Variants in GLIS1 observed in about 807,000 individuals in gnomAD.
The protein encoded by GLIS1 is GLIS family zinc finger 1, also known as zinc finger protein GLIS1.
In GLIS1, 24 loss-of-function variants were observed where a neutral mutation model predicts 63.8. The observed-to-expected ratio is 0.38, with a 90% CI of 0.27 to 0.53. GLIS1 has a LOEUF of 0.53. Among genes scored for constraint, GLIS1 ranks in the 20% least tolerant of loss-of-function variants. The pLI is 0.85. For missense variants in GLIS1, 1,036 were observed against 1,074.1 expected (o/e 0.96, Z 0.50); for synonymous variants, 450 against 482.5 (o/e 0.93, Z 0.88).
chr1:53,732,744 C>T (rs797912), intron 2 of GLIS1, among the ~76,000 whole-genome samples: 132,162 of 151,662 alleles, frequency 0.87, 57,774 homozygotes, highest in African/African-American at 0.92. Context: ...AACTACCCCC[C>T]ACCAAAAGAA....
intron 2 of GLIS1, among the ~76,000 whole-genome samples, chr1:53,605,603 A>C (rs1412370185): frequency 1.3e-5 from 2 of 152,198 alleles, no homozygotes; most frequent in African/African-American, 4.8e-5. Context: ...TTTCGGTGCA[A>C]TGAAAGTCCT....
rs547379311 is a variant in GLIS1, at chr1:53,628,362, C to T, written c.260-28084G>A. On this transcript the variant is annotated intron_variant, in intron 2 of 10. Transcript: ENST00000628545. ...CCATGGCCACACAGTAGATGCTCAA[C>T]GTCCCAGCACCCTGAACACCAGCAT... is the stretch of plus-strand genomic sequence containing the variant. 3.8e-4 allele frequency among the ~76,000 whole-genome samples: 58 copies of T among 152,286 alleles called. 1 individual carries two copies. Among genetic ancestry groups the T allele is most frequent in the African/African-American group, 1.3e-3 (54 of 41,556 alleles).
intron 4 of GLIS1, among the ~76,000 whole-genome samples, chr1:53,550,996 G>A (rs559268527): frequency 8.5e-5 from 13 of 152,118 alleles, no homozygotes; most frequent in African/African-American, 2.4e-4. Flanking sequence ...GATTACAGGC[G>A]CCCGCCAACA....
At chr1:53,677,380 C>T (rs1315757575) in intron 2 of GLIS1, among the ~76,000 whole-genome samples, 3 of 152,098 alleles carry the variant, frequency 2.0e-5, no homozygotes, top group Admixed American at 6.5e-5. Context: ...GTGGGGATGG[C>T]GCGGGGGCAG....
At chr1:53,632,398 T>C (rs1326811292) in intron 2 of GLIS1, among the ~76,000 whole-genome samples, 3 of 121,304 alleles carry the variant, frequency 2.5e-5, no homozygotes, top group South Asian at 2.8e-4. Context: ...TGAGGGGTGT[T>C]TGAGTGTGAC....
chr1:53,709,413 C>CATATATATACATATACATATAT lies in GLIS1; in HGVS notation c.259+28392_259+28393insATATATGTATATGTATATATAT, dbSNP rs752636057. 4.0e-5 allele frequency among the ~76,000 whole-genome samples: 5 copies of CATATATATACATATACATATAT among 124,770 alleles called. No homozygotes were observed. The East Asian group carries it at 6.9e-4, about 17-fold the overall frequency. The allele number at this position is 124,770 out of a possible 152,430, so 81.9% of individuals were successfully genotyped here. Reference sequence around the variant, plus strand: ...ATATATACATATACATATATATATACACACACACACACACACACACACACA... The same window carrying CATATATATACATATACATATAT: ...ATATATACATATACATATATATATACATATATATACATATACATATATACACACACACACACACACACACACA... On this transcript the variant is annotated intron_variant, in intron 2 of 10. Transcript: ENST00000628545.
chr1:53,734,839 G>A (rs1019873725), intron 2 of GLIS1, among the ~76,000 whole-genome samples: 16 of 152,156 alleles, frequency 1.1e-4, no homozygotes, highest in African/African-American at 3.6e-4. Context: ...GCAGAGTGTC[G>A]GGTGTTTAAT....
intron 2 of GLIS1, among the ~76,000 whole-genome samples, chr1:53,735,865 G>A (rs1290963320): frequency 6.6e-6 from 1 of 152,124 alleles, no homozygotes; most frequent in Non-Finnish European, 1.5e-5. Context: ...GCCACTTGGT[G>A]ACTGCACTGT....
chr1:53,658,707 T>A (rs1425400765), intron 2 of GLIS1, among the ~76,000 whole-genome samples: 2 of 152,168 alleles, frequency 1.3e-5, no homozygotes, highest in Non-Finnish European at 1.5e-5. Flanking sequence ...GCACTGGTGC[T>A]GCTCACATGC....
At chr1:53,584,915 C>G (rs77600278) in intron 4 of GLIS1, among the ~76,000 whole-genome samples, 2,108 of 152,274 alleles carry the variant, frequency 0.014, 45 homozygotes, top group African/African-American at 0.048. Context: ...TTTGCCATTT[C>G]CAGGATGGCC....
rs1206721796 is a variant in GLIS1, at chr1:53,598,726, T to C, written c.437+1375A>G. Among the ~76,000 whole-genome samples, 1 of 152,162 alleles carries C rather than the reference T, an allele frequency of 6.6e-6. No individual in the cohort carries two copies. Among genetic ancestry groups the C allele is most frequent in the Non-Finnish European group, 1.5e-5 (1 of 68,024 alleles). On this transcript the variant is annotated intron_variant, in intron 3 of 10. Transcript: ENST00000628545. This position sits in a 1 kb window ranked among gnomAD's most constrained non-coding sequence, Gnocchi z 4.6. ...TCTGTTGTTTAAACCACCTAGTCCA[T>C]GGCATTTGCTATGGCAGCCTAAACA... is the stretch of plus-strand genomic sequence containing the variant.
At chr1:53,726,824 CACCAAAA>C (rs1208665322) in intron 2 of GLIS1, among the ~76,000 whole-genome samples, 31 of 152,094 alleles carry the variant, frequency 2.0e-4, no homozygotes, top group Non-Finnish European at 4.4e-4. Context: ...CTTGTAATTA[CACCAAAA>C]AAGAATTAAA....
At chr1:53,515,736 G>A (rs1158483609) in intron 7 of GLIS1, among the ~76,000 whole-genome samples, 1 of 146,802 alleles carries the variant, frequency 6.8e-6, no homozygotes, top group Non-Finnish European at 1.5e-5. Context: ...ATCAGAGTAG[G>A]AAATAAACTC....
At chr1:53,564,589 C>T (rs545937517) in intron 4 of GLIS1, among the ~76,000 whole-genome samples, 1 of 152,038 alleles carries the variant, frequency 6.6e-6, no homozygotes, top group Admixed American at 6.5e-5. Flanking sequence ...TTGCTAATTA[C>T]AATAAACACA....
chr1:53,675,725 A>G (rs573040172), intron 2 of GLIS1, among the ~76,000 whole-genome samples: 1 of 152,164 alleles, frequency 6.6e-6, no homozygotes, highest in Admixed American at 6.5e-5. Context: ...GCTTATAGAG[A>G]TGCAGCTCTC....
intron 2 of GLIS1, among the ~76,000 whole-genome samples, chr1:53,728,085 C>T (rs1034380871): frequency 3.9e-5 from 6 of 152,058 alleles, no homozygotes; most frequent in East Asian, 3.9e-4. Flanking sequence ...GCTGGCCATA[C>T]GGGGTTCAAG....
intron 4 of GLIS1, among the ~76,000 whole-genome samples, chr1:53,573,337 G>C (rs141434791): frequency 7.2e-5 from 11 of 152,024 alleles, no homozygotes; most frequent in African/African-American, 2.4e-4. Flanking sequence ...TTGAGAATGG[G>C]GGAAGGACAG....
At chr1:53,643,290 G>A (rs759151452) in intron 2 of GLIS1, among the ~76,000 whole-genome samples, 5 of 152,224 alleles carry the variant, frequency 3.3e-5, no homozygotes, top group Non-Finnish European at 7.3e-5. Flanking sequence ...GCAAGCCCTG[G>A]GAACAAACCT....
intron 4 of GLIS1, among the ~76,000 whole-genome samples, chr1:53,585,911 C>T (rs559891340): frequency 6.6e-6 from 1 of 152,224 alleles, no homozygotes; most frequent in Non-Finnish European, 1.5e-5. Flanking sequence ...TCACAGCTCC[C>T]ATTTTACAGA....
Sources: allele counts gnomAD v4.1 joint callset (sites outside exome capture counted in the v4.1 genomes callset), GRCh38; gene constraint gnomAD v4.1.1; non-coding constraint Gnocchi (gnomAD v3.1); transcripts MANE v1.5; gene names NCBI Gene and HGNC (gene_info 2026-07-23, HGNC 2026-07-21).